The following INPP4B variants were observed in gnomAD, a reference collection of about 807,000 sequenced individuals.
INPP4B encodes the protein inositol polyphosphate-4-phosphatase type II B.
Under a neutral mutation model 122.5 loss-of-function variants are expected in INPP4B, and 55 were observed. The observed-to-expected ratio is 0.45, with a 90% CI of 0.36 to 0.56. The LOEUF (loss-of-function observed/expected upper bound fraction) is 0.56, where lower values mean the gene tolerates loss of function less well. INPP4B is among the 20% of genes least tolerant of loss of function. The pLI is 0.00. For missense variants in INPP4B, 1,000 were observed against 1,097.7 expected, an observed-to-expected ratio of 0.91 and a Z score of 1.26; for synonymous variants, 403 against 388.7, an observed-to-expected ratio of 1.04 and a Z score of -0.43.
chr4:142,453,970 GTGAAACACGGGTTAA>G (rs1184620029), intron 3 of INPP4B, among the ~76,000 whole-genome samples: 3 of 152,054 alleles, frequency 2.0e-5, no homozygotes, highest in African/African-American at 4.8e-5. Flanking sequence ...CAAATGCCTT[GTGAAACACGGGTTAA>G]TTCTCTGTGA....
intron 1 of INPP4B, among the ~76,000 whole-genome samples, chr4:142,759,816 A>G (rs1397737619): frequency 2.6e-5 from 3 of 116,316 alleles, no homozygotes; most frequent in Non-Finnish European, 3.5e-5. Flanking sequence ...GCTTATATAG[A>G]GCTTTTTCTA....
intron 7 of INPP4B, among the ~76,000 whole-genome samples, chr4:142,364,198 A>C (rs139377228): frequency 1.3e-5 from 2 of 152,232 alleles, no homozygotes; most frequent in African/African-American, 2.4e-5. Flanking sequence ...AAGAACAGAA[A>C]GAATAAAAGT....
intron 15 of INPP4B, among the ~76,000 whole-genome samples, chr4:142,184,966 T>A (rs28623669): frequency 0.011 from 1,679 of 152,270 alleles, 38 homozygotes; most frequent in African/African-American, 0.038. Context: ...CAAGAATATT[T>A]GCCTTTAAGA....
At chr4:142,800,510 C>T (rs1777867903) in intron 1 of INPP4B, among the ~76,000 whole-genome samples, 2 of 152,056 alleles carry the variant, frequency 1.3e-5, no homozygotes, top group African/African-American at 4.8e-5. Flanking sequence ...GAAATTGGAT[C>T]ACCAGAAATA....
At chr4:142,622,925 CTCAA>C (rs1336377621) in intron 2 of INPP4B, among the ~76,000 whole-genome samples, 3 of 151,920 alleles carry the variant, frequency 2.0e-5, no homozygotes, top group Non-Finnish European at 4.4e-5. Flanking sequence ...CAACCTTCAC[CTCAA>C]TCAATTAAAA....
intron 25 of INPP4B, among the ~76,000 whole-genome samples, chr4:142,072,042 G>A (rs1426378197): frequency 2.0e-5 from 3 of 152,158 alleles, no homozygotes; most frequent in African/African-American, 7.2e-5. Context: ...GCACACATAT[G>A]TTTATTGTGG....
chr4:142,490,535 T>G (rs1256195157), intron 2 of INPP4B, among the ~76,000 whole-genome samples: 2 of 152,172 alleles, frequency 1.3e-5, no homozygotes, highest in Non-Finnish European at 2.9e-5. Flanking sequence ...ACCTATCCAT[T>G]ACCTCATAAT....
chr4:142,345,908 T>C (rs887496277), intron 7 of INPP4B, among the ~76,000 whole-genome samples: 5 of 151,920 alleles, frequency 3.3e-5, no homozygotes, highest in Non-Finnish European at 7.4e-5. Context: ...TTTGAAAAAA[T>C]GGCTTCTAGA....
chr4:142,057,356 T>C (rs1450994176), intron 25 of INPP4B, among the ~76,000 whole-genome samples: 2 of 152,144 alleles, frequency 1.3e-5, no homozygotes, highest in African/African-American at 2.4e-5. Context: ...TGGCTGCCTC[T>C]TAACATAATT....
intron 25 of INPP4B, among the ~76,000 whole-genome samples, chr4:142,054,222 T>A (rs1392237350): frequency 3.3e-5 from 5 of 151,630 alleles, no homozygotes; most frequent in Non-Finnish European, 7.4e-5. Flanking sequence ...TGCCCCACGC[T>A]CAATGCAACA....
intron 25 of INPP4B, among the ~76,000 whole-genome samples, chr4:142,057,034 G>A (rs1758064164): frequency 6.6e-6 from 1 of 152,094 alleles, no homozygotes; most frequent in Non-Finnish European, 1.5e-5. Context: ...TGTGCTAAAT[G>A]CTAAGGAGAC....
At chr4:142,413,039 T>C (rs1392273391) in intron 5 of INPP4B, among the ~76,000 whole-genome samples, 6 of 152,168 alleles carry the variant, frequency 3.9e-5, no homozygotes, top group Non-Finnish European at 8.8e-5. Flanking sequence ...CCTTAACTTT[T>C]GTGTGGGAGA....
chr4:142,755,419 A>T (rs1160712857), intron 1 of INPP4B, among the ~76,000 whole-genome samples: 1 of 151,986 alleles, frequency 6.6e-6, no homozygotes, highest in Non-Finnish European at 1.5e-5. Flanking sequence ...CCTCTCCCTG[A>T]TGCTTTCCTC....
chr4:142,401,923 C>G (rs1801741042), intron 7 of INPP4B, among the ~76,000 whole-genome samples: 1 of 152,154 alleles, frequency 6.6e-6, no homozygotes, highest in Admixed American at 6.5e-5. Flanking sequence ...ATAGAAATCC[C>G]TTCAATATAG....
At chr4:142,699,841 C>T (rs1018412816) in intron 2 of INPP4B, among the ~76,000 whole-genome samples, 1 of 152,126 alleles carries the variant, frequency 6.6e-6, no homozygotes, top group Non-Finnish European at 1.5e-5. Flanking sequence ...TGTGAGTCAA[C>T]TCTATATGCA....
chr4:142,082,543 A>G (rs980719490), intron 24 of INPP4B, among the ~76,000 whole-genome samples: 3 of 152,228 alleles, frequency 2.0e-5, no homozygotes, highest in Non-Finnish European at 4.4e-5. Context: ...ATCATTGTAA[A>G]GAGGAAAAAA....
intron 2 of INPP4B, among the ~76,000 whole-genome samples, chr4:142,556,386 A>T (rs1729177401): frequency 1.3e-5 from 2 of 152,192 alleles, no homozygotes; most frequent in African/African-American, 4.8e-5. Context: ...ATTATATGTA[A>T]GTGAAGAAAA....
intron 2 of INPP4B, among the ~76,000 whole-genome samples, chr4:142,687,836 T>A (rs949619523): frequency 5.9e-5 from 9 of 152,098 alleles, no homozygotes; most frequent in African/African-American, 2.2e-4. Flanking sequence ...AAACTTTTCA[T>A]CACCTAAGCT....
chr4:142,779,282 T>G (rs1215994329), intron 1 of INPP4B, among the ~76,000 whole-genome samples: 1 of 152,064 alleles, frequency 6.6e-6, no homozygotes, highest in Non-Finnish European at 1.5e-5. Context: ...ATGATATTTT[T>G]TAGGGTATCC....
Sources: allele counts gnomAD v4.1 joint callset (sites outside exome capture counted in the v4.1 genomes callset), GRCh38; gene constraint gnomAD v4.1.1; transcripts MANE v1.5; gene names NCBI Gene and HGNC (gene_info 2026-07-23, HGNC 2026-07-21).